DPYD: variants seen among roughly 807,000 people sequenced by gnomAD.
DPYD encodes dihydropyrimidine dehydrogenase.
DPYD carries 109 observed loss-of-function variants against 116.2 expected under a neutral mutation model. The observed-to-expected ratio is 0.94, with a 90% CI of 0.80 to 1.10. The LOEUF is 1.10. Ranked by LOEUF, DPYD falls within the 50% of genes least tolerant of loss-of-function variation. DPYD has a pLI of 0.00. For synonymous variants in DPYD, 440 were observed against 432.0 expected (o/e 1.02, Z -0.23); for missense variants, 1,302 against 1,254.5 (o/e 1.04, Z -0.57).
chr1:97,558,208 C>T (rs1022897358), intron 11 of DPYD, among the ~76,000 whole-genome samples: 1 of 152,116 alleles, frequency 6.6e-6, no homozygotes, highest in Non-Finnish European at 1.5e-5. Flanking sequence ...CTTTCTGTTA[C>T]GCTAGGCACT....
At chr1:97,551,392 T>C (rs1651310596) in intron 11 of DPYD, among the ~76,000 whole-genome samples, 1 of 152,044 alleles carries the variant, frequency 6.6e-6, no homozygotes, top group Admixed American at 6.6e-5. Context: ...GGCTCATCAA[T>C]TCAACCTATT....
chr1:97,426,504 C>T lies in DPYD; in HGVS notation c.1905+23555G>A, dbSNP rs147304346. On this transcript the variant is annotated intron_variant, in intron 14 of 22. Coordinates refer to ENST00000370192, the MANE Select transcript of DPYD (RefSeq NM_000110.4). Reference sequence around the variant, plus strand: ...AAGGATAGAAAGAGTGTGGCTTAGTCTAATAGAATATGGTTTGGTGACATA... The same window carrying T: ...AAGGATAGAAAGAGTGTGGCTTAGTTTAATAGAATATGGTTTGGTGACATA... Among the ~76,000 whole-genome samples the T allele has an allele frequency of 5.0e-3, 754 of 151,782 alleles. 14 individuals are homozygous for T. The highest frequency in any genetic ancestry group is 0.029 in the Admixed American group (443 of 15,240).
chr1:97,871,821 T>C (rs937457754), intron 2 of DPYD, among the ~76,000 whole-genome samples: 1 of 151,792 alleles, frequency 6.6e-6, no homozygotes, highest in East Asian at 2.0e-4. Flanking sequence ...CTCTATCCAC[T>C]ATCATGATGT....
intron 11 of DPYD, among the ~76,000 whole-genome samples, chr1:97,571,835 T>C (rs1490478131): frequency 6.6e-6 from 1 of 151,970 alleles, no homozygotes; most frequent in Admixed American, 6.6e-5. Flanking sequence ...TTGAGTAAGA[T>C]CTTCTTGATC....
intron 2 of DPYD, among the ~76,000 whole-genome samples, chr1:97,876,487 A>T (rs1056892684): frequency 6.6e-6 from 1 of 151,924 alleles, no homozygotes; most frequent in Non-Finnish European, 1.5e-5. Flanking sequence ...GCCCTCGCCT[A>T]CCTTTCTATA....
chr1:97,908,906 T>C (rs1306863482), intron 1 of DPYD, among the ~76,000 whole-genome samples: 1 of 152,076 alleles, frequency 6.6e-6, no homozygotes, highest in Non-Finnish European at 1.5e-5. Flanking sequence ...ACTCCAACTT[T>C]ATTGCCCAAG....
chr1:97,345,990 A>C (rs1001240435), intron 16 of DPYD, among the ~76,000 whole-genome samples: 4 of 151,928 alleles, frequency 2.6e-5, no homozygotes, highest in Non-Finnish European at 5.9e-5. Flanking sequence ...AATATTTATA[A>C]TACATATATT....
intron 2 of DPYD, among the ~76,000 whole-genome samples, chr1:97,881,847 T>G (rs1374128002): frequency 6.6e-6 from 1 of 151,500 alleles, no homozygotes; most frequent in Non-Finnish European, 1.5e-5. Flanking sequence ...TATATCACAC[T>G]CTGGGGACTG....
chr1:97,109,999 T>C (rs1416654468), intron 20 of DPYD, among the ~76,000 whole-genome samples: 1 of 152,074 alleles, frequency 6.6e-6, no homozygotes, highest in Non-Finnish European at 1.5e-5. Flanking sequence ...CAAACATCCA[T>C]AAATCAGAAT....
At chr1:97,221,548 T>C (rs1377664679) in intron 19 of DPYD, among the ~76,000 whole-genome samples, 3 of 152,134 alleles carry the variant, frequency 2.0e-5, no homozygotes, top group African/African-American at 7.2e-5. Context: ...CTTTATAATA[T>C]ATTTTGCTAT....
intron 18 of DPYD, among the ~76,000 whole-genome samples, chr1:97,297,126 T>G (rs890484829): frequency 6.6e-6 from 1 of 152,178 alleles, no homozygotes; most frequent in Non-Finnish European, 1.5e-5. Flanking sequence ...AATAATGTAC[T>G]GTATATAAAA....
chr1:97,799,185 G>C (rs1667732198), intron 3 of DPYD, among the ~76,000 whole-genome samples: 3 of 151,890 alleles, frequency 2.0e-5, no homozygotes, highest in Admixed American at 2.0e-4. Flanking sequence ...CTGGAAGCCT[G>C]TACACTGTTC....
At chr1:97,809,219 T>G (rs1668232208) in intron 3 of DPYD, among the ~76,000 whole-genome samples, 1 of 152,212 alleles carries the variant, frequency 6.6e-6, no homozygotes, top group Non-Finnish European at 1.5e-5. Flanking sequence ...AAGAGTAATC[T>G]TCAACCATGA....
intron 19 of DPYD, among the ~76,000 whole-genome samples, chr1:97,197,790 T>A (rs1346928577): frequency 6.6e-6 from 1 of 152,150 alleles, no homozygotes; most frequent in Non-Finnish European, 1.5e-5. Flanking sequence ...GGAGCTATAC[T>A]GAGAATGTGA....
At chr1:97,706,506 T>C (rs951186448) in intron 5 of DPYD, among the ~76,000 whole-genome samples, 1 of 152,082 alleles carries the variant, frequency 6.6e-6, no homozygotes, top group African/African-American at 2.4e-5. Context: ...AAAAATCTTC[T>C]TAATCTCCAT....
At chr1:97,656,818 A>ATT (rs200525025) in intron 8 of DPYD, among the ~76,000 whole-genome samples, 25 of 143,912 alleles carry the variant, frequency 1.7e-4, no homozygotes, top group Admixed American at 7.7e-4. Context: ...GGAATTTTTT[A>ATT]TTTTTTTTTT....
chr1:97,333,198 T>C (rs901599804), intron 16 of DPYD, among the ~76,000 whole-genome samples: 5 of 151,760 alleles, frequency 3.3e-5, no homozygotes, highest in Admixed American at 1.3e-4. Context: ...GCTGGGACTA[T>C]AGGCATGCAC....
At chr1:97,389,849 C>T (rs1212166313) in intron 14 of DPYD, among the ~76,000 whole-genome samples, 5 of 133,266 alleles carry the variant, frequency 3.8e-5, no homozygotes, top group African/African-American at 1.4e-4. Flanking sequence ...AAACAATGTG[C>T]AGATGCTTAT....
At chr1:97,776,947 T>G (rs888921573) in intron 3 of DPYD, among the ~76,000 whole-genome samples, 2 of 152,170 alleles carry the variant, frequency 1.3e-5, no homozygotes, top group East Asian at 3.8e-4. Flanking sequence ...TGAGAATACA[T>G]AAAGGCGCAA....
Sources: allele counts gnomAD v4.1 joint callset (sites outside exome capture counted in the v4.1 genomes callset), GRCh38; gene constraint gnomAD v4.1.1; transcripts MANE v1.5; gene names NCBI Gene and HGNC (gene_info 2026-07-23, HGNC 2026-07-21).